The following PPIP5K1 variants were observed in gnomAD, a reference collection of about 807,000 sequenced individuals.
The protein encoded by PPIP5K1 is inositol hexakisphosphate and diphosphoinositol-pentakisphosphate kinase 1.
A neutral mutation model predicts 27.7 loss-of-function variants in PPIP5K1; 6 were observed. The observed-to-expected ratio is 0.22, with a 90% CI of 0.12 to 0.43. The LOEUF (loss-of-function observed/expected upper bound fraction) is 0.43, where lower values mean the gene tolerates loss of function less well. PPIP5K1 is among the 20% of genes least tolerant of loss of function. The pLI is 1.00. For synonymous variants in PPIP5K1, 145 were observed against 242.6 expected, an observed-to-expected ratio of 0.60 and a Z score of 3.74; for missense variants, 394 against 635.4, an observed-to-expected ratio of 0.62 and a Z score of 4.08.
chr15:43,537,688 C>CAAAA (rs1229197125), intron 31 of PPIP5K1, among the ~76,000 whole-genome samples: 6 of 49,238 alleles, frequency 1.2e-4, no homozygotes, highest in Admixed American at 9.8e-4. Context: ...GACTCCATCT[C>CAAAA]AAAAAAAAAA....
At chr15:43,586,744 T>G (rs1420870522) in intron 1 of PPIP5K1, among the ~76,000 whole-genome samples, 1 of 84,090 alleles carries the variant, frequency 1.2e-5, no homozygotes, top group Non-Finnish European at 2.7e-5. Flanking sequence ...ATAATAATAA[T>G]AATAATAGAA....
chr15:43,534,177 C>T lies in PPIP5K1; in HGVS notation c.*497G>A, dbSNP rs987434057. 2 of 153,460 alleles carry T rather than the reference C, an allele frequency of 1.3e-5. No individual in the cohort carries two copies. The highest frequency in any genetic ancestry group is 2.9e-5 in the Non-Finnish European group (2 of 68,774). The allele number at this position is 153,460 out of a possible 1,614,324, so 9.5% of individuals were successfully genotyped here. On this transcript the variant is annotated 3_prime_UTR_variant, in exon 32 of 32. Transcript: ENST00000420765. ...AACATTTCCCCAGAAAAGTGAAGAC[C>T]CTAGAGTCCCCTCTTTTGCATTTGC...
At chr15:43,580,555 C>T (rs1168691713) in intron 10 of PPIP5K1, among the ~76,000 whole-genome samples, 1 of 126,580 alleles carries the variant, frequency 7.9e-6, no homozygotes, top group Non-Finnish European at 1.6e-5. Flanking sequence ...CTGAGGAGCC[C>T]TTCCTTTCTT....
intron 30 of PPIP5K1, among the ~76,000 whole-genome samples, chr15:43,555,911 A>T (rs1286983684): frequency 6.6e-6 from 1 of 152,204 alleles, no homozygotes; most frequent in East Asian, 1.9e-4. Flanking sequence ...TGGCCTTAAA[A>T]TTTTTACTTT....
chr15:43,535,031 T>C lies in PPIP5K1; in HGVS notation c.4116A>G (p.Gln1372=). ...CTTCCTCAGAGACTTTCTGGCACAGTTGGCTGGACTTCTGGCATGGCTGGC... is the reference window on the plus strand; with the variant it reads ...CTTCCTCAGAGACTTTCTGGCACAGCTGGCTGGACTTCTGGCATGGCTGGC... ...HISQPCQKSS[Q]LCQKVSEEVC... Residue 1372 remains glutamine (Q), a synonymous_variant, in exon 32 of 32, where the codon CAA becomes CAG. Coordinates refer to ENST00000420765, the MANE Select transcript of PPIP5K1 (RefSeq NM_001394395.1). The C allele has an allele frequency of 6.2e-7, 1 of 1,612,832 alleles. No individual in the cohort carries two copies. Among genetic ancestry groups the C allele is most frequent in the Non-Finnish European group, 8.5e-7 (1 of 1,179,740 alleles).
chr15:43,558,939 G>A lies in PPIP5K1; in HGVS notation c.3419-7C>T. 6.2e-7 allele frequency: 1 copy of A among 1,612,860 alleles called. No homozygotes were observed. The highest frequency in any genetic ancestry group is 8.5e-7 in the Non-Finnish European group (1 of 1,179,936). ...ATGGAACACCCTTCAAACCCTGTTTGAAAAGAGATGGGCAAAGTCAATGTT... is the reference window on the plus strand; with the variant it reads ...ATGGAACACCCTTCAAACCCTGTTTAAAAAGAGATGGGCAAAGTCAATGTT... On this transcript the variant is annotated splice_region_variant and splice_polypyrimidine_tract_variant and intron_variant, in intron 29 of 31. Transcript: ENST00000420765.
rs1193021744 is a variant in PPIP5K1, at chr15:43,534,840, ACCT to A, written c.4304_4306del (p.Glu1435del). ...AGAGAACTCCTGGTATGGCTGGATG[ACCT>A]CCTCAGGGATCTCTTCAGCTGGGCT... On this transcript the variant is annotated inframe_deletion, in exon 32 of 32. Coordinates refer to ENST00000420765, the MANE Select transcript of PPIP5K1 (RefSeq NM_001394395.1). The A allele has an allele frequency of 6.2e-7, 1 of 1,612,850 alleles. No individual in the cohort carries two copies. Among genetic ancestry groups the A allele is most frequent in the Admixed American group, 1.7e-5 (1 of 59,954 alleles).
intron 30 of PPIP5K1, among the ~76,000 whole-genome samples, chr15:43,554,302 T>C (rs977140345): frequency 2.0e-5 from 3 of 152,132 alleles, no homozygotes; most frequent in Admixed American, 6.6e-5. Flanking sequence ...TATCAATATA[T>C]GACTTTCTCT....
chr15:43,554,615 T>C (rs953990898), intron 30 of PPIP5K1, among the ~76,000 whole-genome samples: 1 of 133,940 alleles, frequency 7.5e-6, no homozygotes, highest in Non-Finnish European at 1.5e-5. Flanking sequence ...ATAAGACACC[T>C]GGCATACACA....
intron 30 of PPIP5K1, among the ~76,000 whole-genome samples, chr15:43,542,078 C>T (rs1187076197): frequency 6.6e-6 from 1 of 152,096 alleles, no homozygotes; most frequent in Admixed American, 6.5e-5. Context: ...TAGGGGTGAT[C>T]CTTTGAGGAA....
intron 30 of PPIP5K1, among the ~76,000 whole-genome samples, chr15:43,557,924 C>A (rs888406243): frequency 1.3e-5 from 2 of 150,892 alleles, no homozygotes; most frequent in Non-Finnish European, 1.5e-5. Flanking sequence ...CCTGCCTCAG[C>A]CTCTAGAGTT....
intron 31 of PPIP5K1, among the ~76,000 whole-genome samples, chr15:43,538,382 A>C (rs986786343): frequency 1.5e-4 from 23 of 152,238 alleles, no homozygotes; most frequent in Non-Finnish European, 8.8e-5. Context: ...ATTGTTACCA[A>C]AAATAACTAG....
At position 43,557,500 on chromosome 15, in the gene PPIP5K1, C is replaced by T. The variant is rs140194975; in HGVS notation, c.3556+1295G>A. On this transcript the variant is annotated intron_variant, in intron 30 of 31. Transcript: ENST00000420765. ...ATGCCAGTGCTTTGAGAGGCCAAGG[C>T]AGGAGGATCGTTTGAGCCCAGGAGT... Among the ~76,000 whole-genome samples the T allele has an allele frequency of 1.1e-4, 16 of 152,202 alleles. No individual in the cohort carries two copies. In the East Asian group the frequency reaches 3.1e-3, roughly 29 times the overall value.
chr15:43,552,527 A>AC (rs2082337017), intron 30 of PPIP5K1, among the ~76,000 whole-genome samples: 1 of 116,686 alleles, frequency 8.6e-6, no homozygotes, highest in Admixed American at 8.1e-5. Flanking sequence ...CTCTGTCTCT[A>AC]TAAAAAAAAA....
chr15:43,580,506 A>G lies in PPIP5K1; in HGVS notation c.1061+496T>C, dbSNP rs2084916551. Among the ~76,000 whole-genome samples, 5 of 121,060 alleles carry G rather than the reference A, an allele frequency of 4.1e-5. No individual in the cohort carries two copies. In the South Asian group the frequency reaches 1.2e-3, roughly 30 times the overall value. The allele number at this position is 121,060 out of a possible 152,430, so 79.4% of individuals were successfully genotyped here. The stretch of plus-strand genomic sequence containing the variant: ...GTTATGTCTAAAACTGTTAACAACA[A>G]TGGTCTCTGGGAGGGGCAGTGTTAG... On this transcript the variant is annotated intron_variant, in intron 10 of 31. Transcript: ENST00000420765.
At chr15:43,579,423 C>CAT (rs2084691659) in intron 10 of PPIP5K1, among the ~76,000 whole-genome samples, 1 of 113,974 alleles carries the variant, frequency 8.8e-6, no homozygotes, top group South Asian at 2.7e-4. Context: ...CACACACACA[C>CAT]GTATGTGTAC....
intron 30 of PPIP5K1, among the ~76,000 whole-genome samples, chr15:43,555,081 C>T (rs1179218704): frequency 6.6e-6 from 1 of 152,146 alleles, no homozygotes; most frequent in East Asian, 1.9e-4. Flanking sequence ...AAGTGGTCCA[C>T]CCTCCTTGGC....
At chr15:43,541,326 T>C (rs2080675086) in intron 30 of PPIP5K1, among the ~76,000 whole-genome samples, 1 of 152,018 alleles carries the variant, frequency 6.6e-6, no homozygotes, top group Non-Finnish European at 1.5e-5. Context: ...CTGCCTAGGC[T>C]GATCTTGAAC....
intron 30 of PPIP5K1, among the ~76,000 whole-genome samples, chr15:43,542,056 T>A (rs929605174): frequency 3.3e-5 from 5 of 152,200 alleles, no homozygotes; most frequent in African/African-American, 1.2e-4. Flanking sequence ...TGTGAAGCTT[T>A]CCCCTTCTGA....
Sources: allele counts gnomAD v4.1 joint callset (sites outside exome capture counted in the v4.1 genomes callset), GRCh38; gene constraint gnomAD v4.1.1; transcripts MANE v1.5; gene names NCBI Gene and HGNC (gene_info 2026-07-23, HGNC 2026-07-21).